Variants in FRMD6 observed in about 807,000 individuals in gnomAD.
FRMD6 encodes FERM domain containing 6, also known as FERM domain-containing protein 6.
A neutral mutation model predicts 73.2 loss-of-function variants in FRMD6; 37 were observed. The ratio of observed to expected loss-of-function variants is 0.51; its 90% CI spans 0.39 to 0.66. The LOEUF (loss-of-function observed/expected upper bound fraction) is 0.66, where lower values mean the gene tolerates loss of function less well. FRMD6 is among the 30% of genes least tolerant of loss of function. The probability of loss-of-function intolerance (pLI) is 0.00; values close to 1 mark genes in which losing one functional copy is unlikely to be tolerated. For synonymous variants in FRMD6, 273 were observed against 282.2 expected, an observed-to-expected ratio of 0.97 and a Z score of 0.33; for missense variants, 714 against 780.5, an observed-to-expected ratio of 0.91 and a Z score of 1.02.
chr14:51,709,715 A>G (rs567718746), intron 7 of FRMD6, among the ~76,000 whole-genome samples: 9 of 152,296 alleles, frequency 5.9e-5, no homozygotes, highest in East Asian at 3.9e-4. Context: ...TGACACCTCA[A>G]TTGACACAAG....
intron 2 of FRMD6, among the ~76,000 whole-genome samples, chr14:51,608,751 T>A (rs1890367209): frequency 1.3e-5 from 2 of 152,186 alleles, no homozygotes; most frequent in Non-Finnish European, 2.9e-5. Flanking sequence ...CACTCCTTCA[T>A]ACACATTTGT....
chr14:51,564,112 A>G (rs1331417346), intron 1 of FRMD6, among the ~76,000 whole-genome samples: 2 of 152,120 alleles, frequency 1.3e-5, no homozygotes, highest in Non-Finnish European at 2.9e-5. Context: ...TCACACCCCC[A>G]CAGATTGGCC....
chr14:51,501,814 T>C (rs1189226993), intron 1 of FRMD6, among the ~76,000 whole-genome samples: 1 of 152,224 alleles, frequency 6.6e-6, no homozygotes, highest in African/African-American at 2.4e-5. Context: ...TCTTCCACAA[T>C]GGTTGAACTA....
upstream of FRMD6, among the ~76,000 whole-genome samples, chr14:51,487,816 C>T (rs1486913353): frequency 6.6e-6 from 1 of 152,068 alleles, no homozygotes; most frequent in East Asian, 1.9e-4. Context: ...CCCTAGAAAT[C>T]CCCCCACTGA....
At chr14:51,416,848 G>A in the FRMD6 span, among the ~76,000 whole-genome samples, 2 of 152,268 alleles carry the variant, frequency 1.3e-5, no homozygotes, top group African/African-American at 4.8e-5. Context: ...TGTATTGGGT[G>A]CATATATATT....
chr14:51,648,910 A>AT (rs1892199485), upstream of FRMD6, among the ~76,000 whole-genome samples: 1 of 152,230 alleles, frequency 6.6e-6, no homozygotes, highest in African/African-American at 2.4e-5. Flanking sequence ...TGTGTTTAAA[A>AT]TAATGTTTCC....
chr14:51,561,036 G>A (rs1260395794), intron 1 of FRMD6, among the ~76,000 whole-genome samples: 3 of 152,208 alleles, frequency 2.0e-5, no homozygotes, highest in Admixed American at 1.3e-4. Context: ...GCTGTCAGAA[G>A]ACTATGAGTT....
intron 1 of FRMD6, among the ~76,000 whole-genome samples, chr14:51,521,978 T>C (rs747871939): frequency 6.6e-6 from 1 of 152,186 alleles, no homozygotes; most frequent in Non-Finnish European, 1.5e-5. Flanking sequence ...TGCACAGAGC[T>C]TACTTAAAAT....
Position 51,602,884 on chromosome 14 carries a change from T to C in FRMD6, c.-147+32474T>C, listed in dbSNP as rs184923712. Among the ~76,000 whole-genome samples, 823 of 152,336 alleles carry C rather than the reference T, an allele frequency of 5.4e-3. 3 individuals are homozygous for C. The highest frequency in any genetic ancestry group is 8.6e-3 in the Non-Finnish European group (584 of 68,028). On this transcript the variant is annotated intron_variant, in intron 2 of 14. Coordinates refer to the FRMD6 transcript ENST00000356218. ...GAAACAAAACTTCATGCTAACCATG[T>C]GGTACTGGTGAAATTATGGTATAGC...
At chr14:51,483,874 C>A in the FRMD6 span, among the ~76,000 whole-genome samples, 1 of 152,108 alleles carries the variant, frequency 6.6e-6, no homozygotes, top group African/African-American at 2.4e-5. Flanking sequence ...CTTAGAACAA[C>A]CCTAGAGGTA....
chr14:51,452,004 G>T, the FRMD6 span, among the ~76,000 whole-genome samples: 1 of 152,194 alleles, frequency 6.6e-6, no homozygotes, highest in African/African-American at 2.4e-5. Flanking sequence ...GATGCCCATG[G>T]AATGCTTTAA....
chr14:51,584,778 T>A (rs374662149), intron 2 of FRMD6, among the ~76,000 whole-genome samples: 1 of 151,856 alleles, frequency 6.6e-6, no homozygotes, highest in East Asian at 1.9e-4. Flanking sequence ...GTGTCCACTT[T>A]CCTCAGAGTC....
intron 1 of FRMD6, among the ~76,000 whole-genome samples, chr14:51,549,639 G>A (rs1248565814): frequency 8.0e-5 from 9 of 113,196 alleles, no homozygotes; most frequent in Non-Finnish European, 1.3e-4. Flanking sequence ...GCTGTCGCCC[G>A]GGCTGGAGTG....
At chr14:51,558,724 G>A (rs1206380900) in intron 1 of FRMD6, among the ~76,000 whole-genome samples, 1 of 151,972 alleles carries the variant, frequency 6.6e-6, no homozygotes, top group African/African-American at 2.4e-5. Flanking sequence ...ATAACATGTG[G>A]TAACATAGTA....
At chr14:51,461,396 A>G in the FRMD6 span, among the ~76,000 whole-genome samples, 1 of 152,130 alleles carries the variant, frequency 6.6e-6, no homozygotes, top group Non-Finnish European at 1.5e-5. Context: ...CCTTCCACCA[A>G]TTGTGTCCAT....
chr14:51,728,480 T>TTTG lies in FRMD6; in HGVS notation c.*453_*454insGTT. 1 of 174,316 alleles carries TTTG rather than the reference T, an allele frequency of 5.7e-6. No individual in the cohort carries two copies. The highest frequency in any genetic ancestry group is 1.2e-4 in the South Asian group (1 of 8,112). The allele number at this position is 174,316 out of a possible 1,614,324, so 10.8% of individuals were successfully genotyped here. On this transcript the variant is annotated 3_prime_UTR_variant, in exon 14 of 14. Transcript: ENST00000344768. ...AGGAAAGAGGGAAGATTCTCTCTTC[T>TTTG]TTTAACAGAGAGATGATTGCTCTGT...
chr14:51,704,729 G>C lies in FRMD6; in HGVS notation c.372-20G>C, dbSNP rs1566580876. On this transcript the variant is annotated intron_variant, in intron 5 of 13. Transcript: ENST00000344768. ...ATTATTCCATCAAAATGTGAGTTCT[G>C]TTTTCTTTTATTTTTCTAGTGACAG... 1.3e-6 allele frequency: 2 copies of C among 1,593,308 alleles called. No individual in the cohort carries two copies. The highest frequency in any genetic ancestry group is 2.2e-5 in the East Asian group (1 of 44,540).
chr14:51,715,272 T>C (rs1319595463), intron 9 of FRMD6, 53 bp from the exon 10 acceptor site: 21 of 1,376,458 alleles, frequency 1.5e-5, no homozygotes, highest in East Asian at 2.5e-5. Context: ...AAGGGGACTT[T>C]GGCAAATCAG....
At chr14:51,677,698 A>G (rs1421577114) in intron 1 of FRMD6, among the ~76,000 whole-genome samples, 1 of 152,044 alleles carries the variant, frequency 6.6e-6, no homozygotes, top group East Asian at 1.9e-4. Context: ...AGCTTCCCAT[A>G]GGTACCCAAA....
Sources: allele counts gnomAD v4.1 joint callset (sites outside exome capture counted in the v4.1 genomes callset), GRCh38; gene constraint gnomAD v4.1.1; transcripts MANE v1.5; gene names NCBI Gene and HGNC (gene_info 2026-07-23, HGNC 2026-07-21).